HSD17B11: variants seen among roughly 807,000 people sequenced by gnomAD.
HSD17B11 encodes the protein estradiol 17-beta-dehydrogenase 11.
HSD17B11 carries 22 observed loss-of-function variants against 27.8 expected under a neutral mutation model. The ratio of observed to expected loss-of-function variants is 0.79; its 90% confidence interval spans 0.56 to 1.13. The LOEUF (loss-of-function observed/expected upper bound fraction) is 1.13, where lower values mean the gene tolerates loss of function less well. HSD17B11 is among the 50% of genes most tolerant of loss of function. HSD17B11 has a pLI of 0.00. For missense variants in HSD17B11, 314 were observed against 351.1 expected (o/e 0.89, Z 0.84); for synonymous variants, 117 against 132.8 (o/e 0.88, Z 0.82).
chr4:87,356,364 C>T (rs1197544209), intron 5 of HSD17B11, among the ~76,000 whole-genome samples: 1 of 152,210 alleles, frequency 6.6e-6, no homozygotes, highest in Admixed American at 6.5e-5. Flanking sequence ...CTAAAAACAA[C>T]CCTAAAATCA....
At chr4:87,384,659 G>C (rs944520286) in intron 1 of HSD17B11, among the ~76,000 whole-genome samples, 3 of 152,072 alleles carry the variant, frequency 2.0e-5, no homozygotes, top group African/African-American at 7.3e-5. Flanking sequence ...CTGGTCTCCT[G>C]CAGTACTATC....
In HSD17B11 at chr4:87,390,779, G is replaced by T. The variant is rs1000332631; in HGVS notation, c.210+82C>A. The T allele has an allele frequency of 4.9e-6, 6 of 1,219,712 alleles. No individual in the cohort carries two copies. The African/African-American group carries it at 7.5e-5, about 15-fold the overall frequency. The allele number at this position is 1,219,712 out of a possible 1,614,324, so 75.6% of individuals were successfully genotyped here. Reference sequence around the variant, plus strand: ...TTTCCTCCCTGCTTTGCAGAGATGAGGTAAAGGGTGGTTGCCAGCAAAATG... The same window carrying T: ...TTTCCTCCCTGCTTTGCAGAGATGATGTAAAGGGTGGTTGCCAGCAAAATG... On this transcript the variant is annotated intron_variant, in intron 1 of 6. Transcript: ENST00000358290.
chr4:87,381,055 C>T (rs1025631691), intron 2 of HSD17B11, among the ~76,000 whole-genome samples: 8 of 149,422 alleles, frequency 5.4e-5, no homozygotes, highest in Admixed American at 1.3e-4. Flanking sequence ...CATGATGGTG[C>T]GTGCCTGTAA....
chr4:87,388,442 C>T (rs1720374835), intron 1 of HSD17B11, among the ~76,000 whole-genome samples: 1 of 152,016 alleles, frequency 6.6e-6, no homozygotes, highest in East Asian at 1.9e-4. Context: ...TTGTGCTTCT[C>T]TCCCTTCCCT....
At chr4:87,367,686 TTTTAAG>T (rs1305484852) in intron 4 of HSD17B11, among the ~76,000 whole-genome samples, 5 of 152,320 alleles carry the variant, frequency 3.3e-5, no homozygotes, top group African/African-American at 1.2e-4. Flanking sequence ...TCTCAGTTGT[TTTTAAG>T]TTTGTTTCTG....
chr4:87,388,258 T>C (rs1392104278), intron 1 of HSD17B11, among the ~76,000 whole-genome samples: 1 of 152,080 alleles, frequency 6.6e-6, no homozygotes, highest in Non-Finnish European at 1.5e-5. Context: ...ATAAAAATTA[T>C]TAACACAAAA....
intron 6 of HSD17B11, among the ~76,000 whole-genome samples, chr4:87,338,318 C>T (rs1242614271): frequency 3.9e-5 from 6 of 152,094 alleles, no homozygotes; most frequent in Non-Finnish European, 7.3e-5. Context: ...GGAGTTGTCA[C>T]ATTCCAGTGG....
At chr4:87,389,113 T>C (rs1202121858) in intron 1 of HSD17B11, among the ~76,000 whole-genome samples, 2 of 152,224 alleles carry the variant, frequency 1.3e-5, no homozygotes, top group Non-Finnish European at 2.9e-5. Flanking sequence ...AGCTCAGATG[T>C]GTCTGACTAT....
chr4:87,378,894 A>AT (rs1720023914), intron 2 of HSD17B11, among the ~76,000 whole-genome samples: 5 of 12,172 alleles, frequency 4.1e-4, no homozygotes, highest in Non-Finnish European at 6.9e-4. Context: ...ATATATATAT[A>AT]AATATATATA....
chr4:87,345,093 G>A (rs190325398), intron 5 of HSD17B11: 1 of 152,044 alleles, frequency 6.6e-6, no homozygotes. Flanking sequence ...GTGAGACCCT[G>A]TCTCTACAAA....
chr4:87,365,192 G>A lies in HSD17B11; in HGVS notation c.557+7517C>T, dbSNP rs1178702371. On this transcript the variant is annotated intron_variant, in intron 4 of 6. Transcript: ENST00000358290. ...CTCAAAAAAAAAGAAACTGGCAAAC[G>A]AAAAACTGTATAAGTGCTGAATCTT... is the stretch of plus-strand genomic sequence containing the variant. 2.0e-5 allele frequency among the ~76,000 whole-genome samples: 3 copies of A among 151,948 alleles called. No homozygotes were observed. In the East Asian group the frequency reaches 5.8e-4, roughly 29 times the overall value.
At chr4:87,360,717 C>T (rs1025745349) in intron 4 of HSD17B11, among the ~76,000 whole-genome samples, 6 of 152,176 alleles carry the variant, frequency 3.9e-5, no homozygotes, top group Admixed American at 3.9e-4. Context: ...AGACAGCCTG[C>T]TTGAGACTTT....
At chr4:87,382,673 T>C (rs1456875175) in intron 1 of HSD17B11, among the ~76,000 whole-genome samples, 16 of 152,240 alleles carry the variant, frequency 1.1e-4, no homozygotes, top group Admixed American at 1.0e-3. Flanking sequence ...GTATTCCATA[T>C]CAGGCTTTAA....
Position 87,376,503 on chromosome 4 carries a change from CAAA to C in HSD17B11, c.319-1676_319-1674del, listed in dbSNP as rs70957230. ...CTGGGTGACAGACGAGATTTCATCTCAAAAAAAAAAAAAAAAAAACCCAAAAAA... is the reference window on the plus strand; with the variant it reads ...CTGGGTGACAGACGAGATTTCATCTCAAAAAAAAAAAAAAAACCCAAAAAA... On this transcript the variant is annotated intron_variant, in intron 2 of 6. Coordinates refer to ENST00000358290, the MANE Select transcript of HSD17B11 (RefSeq NM_016245.5). Among the ~76,000 whole-genome samples, 545 of 63,180 alleles carry C rather than the reference CAAA, an allele frequency of 8.6e-3. 2 individuals carry two copies. The highest frequency in any genetic ancestry group is 0.025 in the African/African-American group (513 of 20,754). 41.4% of individuals were successfully genotyped at this position (63,180 alleles called of 152,430 possible).
Position 87,382,275 on chromosome 4 carries a change from T to TA in HSD17B11, c.297dup (p.Ile100TyrfsTer16). 1 of 1,613,420 alleles carries TA rather than the reference T, an allele frequency of 6.2e-7. No homozygotes were observed. The highest frequency in any genetic ancestry group is 2.2e-5 in the East Asian group (1 of 44,890). On this transcript the variant is annotated frameshift_variant, in exon 2 of 7. Coordinates refer to ENST00000358290, the MANE Select transcript of HSD17B11 (RefSeq NM_016245.5). LOFTEE classifies it high-confidence loss of function. ...TTCACCTTCTTTGCAGAGCTGTAAA[T>TA]ATCTTCTCGGTTGCTGCAGTCTACC... is the stretch of plus-strand genomic sequence containing the variant.
intron 1 of HSD17B11, among the ~76,000 whole-genome samples, chr4:87,384,646 G>C (rs976330401): frequency 6.6e-6 from 1 of 151,978 alleles, no homozygotes; most frequent in Non-Finnish European, 1.5e-5. Flanking sequence ...ACTGAGATAC[G>C]CCCTGGTCTC....
At chr4:87,378,835 T>TATATATATAA (rs1720002640) in intron 2 of HSD17B11, among the ~76,000 whole-genome samples, 1 of 41,850 alleles carries the variant, frequency 2.4e-5, no homozygotes, top group Non-Finnish European at 4.0e-5. Flanking sequence ...TATATAAATA[T>TATATATATAA]ATATATATAA....
At chr4:87,381,909 A>G (rs1720183018) in intron 2 of HSD17B11, among the ~76,000 whole-genome samples, 1 of 152,196 alleles carries the variant, frequency 6.6e-6, no homozygotes, top group African/African-American at 2.4e-5. Flanking sequence ...TCATCCAGGC[A>G]TAGTTACCTA....
intron 5 of HSD17B11, among the ~76,000 whole-genome samples, chr4:87,355,905 A>AAAAAAAC (rs1195865114): frequency 8.8e-6 from 1 of 114,250 alleles, no homozygotes; most frequent in Non-Finnish European, 1.8e-5. Flanking sequence ...CCCTGTCTCA[A>AAAAAAAC]AAAAAACAAA....
Sources: allele counts gnomAD v4.1 joint callset (sites outside exome capture counted in the v4.1 genomes callset), GRCh38; gene constraint gnomAD v4.1.1; transcripts MANE v1.5; gene names NCBI Gene and HGNC (gene_info 2026-07-23, HGNC 2026-07-21).